The following CFAP61 variants were observed in gnomAD, a reference collection of about 807,000 sequenced individuals.
CFAP61 encodes cilia and flagella associated protein 61.
In CFAP61, 107 loss-of-function variants were observed where a neutral mutation model predicts 135.6. The ratio of observed to expected loss-of-function variants is 0.79; its 90% confidence interval spans 0.67 to 0.93. CFAP61 has a LOEUF of 0.93. CFAP61 is among the 40% of genes least tolerant of loss of function. The pLI is 0.00. For synonymous variants in CFAP61, 575 were observed against 578.5 expected (o/e 0.99, Z 0.09); for missense variants, 1,507 against 1,556.2 (o/e 0.97, Z 0.53).
At chr20:20,274,660 G>A (rs1175897517) in intron 21 of CFAP61, among the ~76,000 whole-genome samples, 1 of 151,670 alleles carries the variant, frequency 6.6e-6, no homozygotes, top group Non-Finnish European at 1.5e-5. Flanking sequence ...ACTCTGTCTC[G>A]AAAAATAAAA....
At chr20:20,061,321 A>G (rs749715241) in intron 2 of CFAP61, among the ~76,000 whole-genome samples, 1 of 152,254 alleles carries the variant, frequency 6.6e-6, no homozygotes, top group Non-Finnish European at 1.5e-5. Context: ...ATTTTACTAT[A>G]TCAGCAATCA....
At chr20:20,264,421 C>T (rs531108924) in intron 21 of CFAP61, among the ~76,000 whole-genome samples, 1 of 152,260 alleles carries the variant, frequency 6.6e-6, no homozygotes, top group Admixed American at 6.5e-5. Flanking sequence ...TAGATTATAC[C>T]GGCAACCCAG....
At chr20:20,056,979 G>A (rs141035232) in intron 2 of CFAP61, among the ~76,000 whole-genome samples, 183 bp downstream of exon 2, 339 of 152,162 alleles carry the variant, frequency 2.2e-3, no homozygotes, top group African/African-American at 7.7e-3. Flanking sequence ...TCAGCTGGGC[G>A]TGGTGGCGCA....
chr20:20,182,016 A>G (rs941709096), intron 13 of CFAP61, among the ~76,000 whole-genome samples: 8 of 152,208 alleles, frequency 5.3e-5, no homozygotes, highest in African/African-American at 1.7e-4. Context: ...ATGAGCCACC[A>G]TCTTCTGAAG....
chr20:20,342,701 G>T (rs2058490485), intron 26 of CFAP61, among the ~76,000 whole-genome samples: 1 of 152,118 alleles, frequency 6.6e-6, no homozygotes, highest in South Asian at 2.1e-4. Flanking sequence ...CGCCTTATTG[G>T]ACGGCACTGC....
intron 24 of CFAP61, among the ~76,000 whole-genome samples, chr20:20,296,310 C>G (rs1192659884): frequency 1.8e-4 from 11 of 61,514 alleles, no homozygotes; most frequent in South Asian, 6.1e-4. Context: ...TTCCTTCCTT[C>G]CTTCCCTCCT....
chr20:20,356,153 C>T (rs1390522197), intron 26 of CFAP61, among the ~76,000 whole-genome samples: 1 of 99,456 alleles, frequency 1.0e-5, no homozygotes, highest in Non-Finnish European at 2.0e-5. Context: ...GGTGGTCACA[C>T]TGAGGGGAAG....
intron 8 of CFAP61, among the ~76,000 whole-genome samples, chr20:20,136,488 A>G (rs1289294204): frequency 2.0e-5 from 3 of 149,638 alleles, no homozygotes; most frequent in African/African-American, 5.0e-5. Context: ...CAAGCTCACT[A>G]ATTCTTTCTT....
intron 8 of CFAP61, among the ~76,000 whole-genome samples, chr20:20,121,759 G>A (rs2146695965): frequency 6.6e-6 from 1 of 152,298 alleles, no homozygotes; most frequent in African/African-American, 2.4e-5. Flanking sequence ...CTTCCAAAAT[G>A]CTGGGATTAT....
intron 13 of CFAP61, among the ~76,000 whole-genome samples, chr20:20,180,754 C>G (rs2055005747): frequency 6.6e-6 from 1 of 152,162 alleles, no homozygotes; most frequent in Non-Finnish European, 1.5e-5. Context: ...TGGAATCAAT[C>G]TAAATGCCCG....
chr20:20,065,822 CG>C (rs1254080348), intron 2 of CFAP61, among the ~76,000 whole-genome samples: 2 of 152,070 alleles, frequency 1.3e-5, no homozygotes, highest in East Asian at 3.9e-4. Context: ...CAGTGGCGAT[CG>C]GGGGGACAGA....
intron 18 of CFAP61, among the ~76,000 whole-genome samples, chr20:20,229,128 C>T (rs1663315218): frequency 1.3e-5 from 2 of 152,144 alleles, no homozygotes; most frequent in Non-Finnish European, 1.5e-5. Context: ...ACAAGGTTTC[C>T]TTTCAGAGCC....
rs1477276055 is a variant in CFAP61, at chr20:20,251,644, G to A, written c.2209G>A (p.Val737Ile). 5.0e-6 allele frequency: 8 copies of A among 1,614,122 alleles called. No individual in the cohort carries two copies. The highest frequency in any genetic ancestry group is 3.3e-5 in the Admixed American group (2 of 60,016). The change falls in exon 20 of 27, where the codon GTT (valine) becomes ATT (isoleucine). Residue 737 changes from valine to isoleucine, a missense_variant. Coordinates refer to ENST00000245957, the MANE Select transcript of CFAP61 (RefSeq NM_015585.4). ...DYALMSLCSW[V>I]NVVVGRMTGI... ...TGCACTGATGTCACTGTGCTCCTGG[G>A]TTAATGTCGTGGTGGGTAGAATGAC... is the stretch of plus-strand genomic sequence containing the variant.
chr20:20,174,946 C>T (rs992099167), intron 13 of CFAP61, among the ~76,000 whole-genome samples: 10 of 152,164 alleles, frequency 6.6e-5, no homozygotes, highest in African/African-American at 2.4e-4. Context: ...TCCCCGCGTC[C>T]CCATGGCATT....
Position 20,188,035 on chromosome 20 carries a change from C to T in CFAP61, c.1491C>T (p.Tyr497=), listed in dbSNP as rs548618035. The T allele has an allele frequency of 1.9e-6, 3 of 1,614,172 alleles. No individual in the cohort carries two copies. Among genetic ancestry groups the T allele is most frequent in the East Asian group, 4.5e-5 (2 of 44,876 alleles). The change falls in exon 14 of 27, where the codon TAC becomes TAT. Residue 497 remains tyrosine, a synonymous_variant. Coordinates refer to ENST00000245957, the MANE Select transcript of CFAP61 (RefSeq NM_015585.4). ...GCATATTGGAGGACTTAGACCGTTA[C>T]AACAAGGCTCGCAAAGACCCTGTAA... ...NKSILEDLDR[Y]NKARKDPDGT...
intron 25 of CFAP61, among the ~76,000 whole-genome samples, chr20:20,309,046 C>T (rs562764067): frequency 2.0e-4 from 30 of 152,250 alleles, no homozygotes; most frequent in Non-Finnish European, 2.8e-4. Context: ...TACTGAGCCA[C>T]GAGAAGGAAC....
chr20:20,140,249 T>C (rs984043660), intron 8 of CFAP61, among the ~76,000 whole-genome samples: 3 of 151,488 alleles, frequency 2.0e-5, no homozygotes, highest in African/African-American at 7.3e-5. Flanking sequence ...ATGTGCAGGT[T>C]TGTTACATAT....
At chr20:20,082,078 C>T (rs1001707382) in intron 6 of CFAP61, among the ~76,000 whole-genome samples, 1 of 152,214 alleles carries the variant, frequency 6.6e-6, no homozygotes, top group Non-Finnish European at 1.5e-5. Context: ...CTACCTCCCT[C>T]CTTAACAACG....
intron 21 of CFAP61, among the ~76,000 whole-genome samples, chr20:20,271,200 G>A (rs2147030795): frequency 6.6e-6 from 1 of 152,218 alleles, no homozygotes. Context: ...AGAGGCTGAG[G>A]CAGGAGGATT....
Sources: gnomAD v4.1 joint callset for allele counts (sites outside exome capture counted in the v4.1 genomes callset) on GRCh38, gnomAD v4.1.1 for gene constraint, MANE v1.5 for transcripts, NCBI Gene and HGNC (gene_info 2026-07-23, HGNC 2026-07-21) for gene names.